Variants in SLIT3 observed in about 807,000 individuals in gnomAD.
SLIT3 encodes the protein slit guidance ligand 3, also known as slit homolog 3 protein.
Under a neutral mutation model 184.0 loss-of-function variants are expected in SLIT3, and 68 were observed. That is an observed-to-expected ratio of 0.37 (90% confidence interval 0.30 to 0.45). The LOEUF is 0.45. SLIT3 is among the 20% of genes least tolerant of loss of function. The pLI, the probability that SLIT3 is intolerant of heterozygous loss-of-function variation, is 1.00. For synonymous variants in SLIT3, 831 were observed against 828.6 expected (o/e 1.00, Z -0.05); for missense variants, 1,707 against 2,026.0 (o/e 0.84, Z 3.02).
chr5:169,193,472 T>C lies in SLIT3; in HGVS notation c.413+7A>G, dbSNP rs750206809. The C allele has an allele frequency of 6.2e-7, 1 of 1,612,942 alleles. No individual in the cohort carries two copies. Among genetic ancestry groups the C allele is most frequent in the Non-Finnish European group, 8.5e-7 (1 of 1,178,900 alleles). On this transcript the variant is annotated splice_region_variant and intron_variant, in intron 4 of 35. Transcript: ENST00000519560. The stretch of plus-strand genomic sequence containing the variant: ...CAAGGTAGAGAACACAAGGCAACTC[T>C]ACTCACAGTCTGGTGAGCTTCGGCG...
intron 1 of SLIT3, among the ~76,000 whole-genome samples, chr5:169,278,804 G>A (rs1173041122): frequency 6.6e-6 from 1 of 152,182 alleles, no homozygotes; most frequent in Non-Finnish European, 1.5e-5. Flanking sequence ...GGTTTGGGGA[G>A]AGAGCAGGGC....
chr5:169,050,410 C>A (rs1325927200), intron 4 of SLIT3, among the ~76,000 whole-genome samples: 1 of 152,158 alleles, frequency 6.6e-6, no homozygotes, highest in Non-Finnish European at 1.5e-5. Context: ...CCCATCCATC[C>A]CATAATTATC....
intron 4 of SLIT3, among the ~76,000 whole-genome samples, chr5:169,099,609 G>A (rs538938869): frequency 3.3e-5 from 5 of 152,326 alleles, no homozygotes; most frequent in African/African-American, 9.6e-5. Flanking sequence ...CAGCCTGTAA[G>A]TAGTCACACA....
chr5:168,726,412 C>G (rs1002701272), intron 20 of SLIT3, among the ~76,000 whole-genome samples: 23 of 1,908 alleles, frequency 0.012, 1 homozygote, highest in Middle Eastern at 0.25. Flanking sequence ...GGCAGGGAGG[C>G]AGAGGGAGGC....
chr5:169,056,821 G>A (rs184494708), intron 4 of SLIT3, among the ~76,000 whole-genome samples: 74 of 152,304 alleles, frequency 4.9e-4, no homozygotes, highest in African/African-American at 1.6e-3. Context: ...GCCCTAGCAG[G>A]GGAGGTGGCC....
chr5:168,755,389 ATTTCTTTCTTTC>A (rs139729506), intron 16 of SLIT3, among the ~76,000 whole-genome samples: 2,915 of 133,722 alleles, frequency 0.022, 134 homozygotes, highest in Middle Eastern at 0.032. Context: ...CAGTGCCGCC[ATTTCTTTCTTTC>A]TTTCTTTCTT....
intron 4 of SLIT3, among the ~76,000 whole-genome samples, chr5:169,151,068 T>C (rs1288380605): frequency 6.6e-6 from 1 of 152,086 alleles, no homozygotes; most frequent in East Asian, 1.9e-4. Context: ...AATTTGGGAC[T>C]TGGGACCCAG....
At chr5:169,030,848 C>T (rs530957052) in intron 4 of SLIT3, among the ~76,000 whole-genome samples, 24 of 152,168 alleles carry the variant, frequency 1.6e-4, no homozygotes, top group Admixed American at 1.4e-3. Context: ...GGAAGTAGAA[C>T]GTGGTATGGT....
At chr5:168,841,278 G>T (rs1025001669) in intron 6 of SLIT3, among the ~76,000 whole-genome samples, 2 of 152,174 alleles carry the variant, frequency 1.3e-5, no homozygotes, top group African/African-American at 4.8e-5. Context: ...GCAGGGTGAG[G>T]GTAACAGTAG....
At chr5:168,751,759 G>T (rs1349221460) in intron 18 of SLIT3, among the ~76,000 whole-genome samples, 2 of 145,264 alleles carry the variant, frequency 1.4e-5, no homozygotes, top group African/African-American at 2.6e-5. Context: ...ACGAAGTCTC[G>T]CTCTCGCTCT....
intron 4 of SLIT3, among the ~76,000 whole-genome samples, chr5:169,168,170 C>G (rs1762699985): frequency 2.6e-5 from 4 of 152,218 alleles, no homozygotes; most frequent in Admixed American, 2.6e-4. Flanking sequence ...GCCCTTCACT[C>G]TAAGCACGGG....
intron 4 of SLIT3, among the ~76,000 whole-genome samples, chr5:169,097,787 C>T (rs1456017910): frequency 6.6e-6 from 1 of 152,156 alleles, no homozygotes; most frequent in Non-Finnish European, 1.5e-5. Flanking sequence ...CAAAAGGTCC[C>T]AGATGCTGCT....
At chr5:168,825,845 A>G (rs1757686620) in intron 6 of SLIT3, among the ~76,000 whole-genome samples, 1 of 152,224 alleles carries the variant, frequency 6.6e-6, no homozygotes, top group African/African-American at 2.4e-5. Flanking sequence ...TCTTCATTGG[A>G]TTAGAAATGC....
At chr5:168,674,064 AAAAC>A (rs1761334873) in intron 32 of SLIT3, among the ~76,000 whole-genome samples, 1 of 152,226 alleles carries the variant, frequency 6.6e-6, no homozygotes, top group South Asian at 2.1e-4. Flanking sequence ...TAGTACATAT[AAAAC>A]AAACTCTCTC....
intron 6 of SLIT3, among the ~76,000 whole-genome samples, chr5:168,840,339 C>T (rs985479961): frequency 3.9e-5 from 6 of 152,106 alleles, no homozygotes; most frequent in African/African-American, 7.2e-5. Flanking sequence ...ATTTTTTATT[C>T]TCCCATAATA....
chr5:169,264,153 C>T (rs180682129), intron 1 of SLIT3, among the ~76,000 whole-genome samples: 8 of 152,134 alleles, frequency 5.3e-5, no homozygotes, highest in Admixed American at 3.9e-4. Context: ...ATTCAAGACT[C>T]TGGAATTTTA....
chr5:168,705,942 A>C (rs1209091353), intron 26 of SLIT3, among the ~76,000 whole-genome samples: 5 of 152,220 alleles, frequency 3.3e-5, no homozygotes, highest in African/African-American at 1.2e-4. Flanking sequence ...AGAGAAGAAA[A>C]TAAATGCATA....
chr5:168,754,766 TA>T (rs1459059097), intron 16 of SLIT3, among the ~76,000 whole-genome samples: 1 of 152,192 alleles, frequency 6.6e-6, no homozygotes, highest in Non-Finnish European at 1.5e-5. Flanking sequence ...TGTATCAATT[TA>T]AAAAAACAGG....
At chr5:169,034,910 CTAGTGTGTGT>C (rs1757172869) in intron 4 of SLIT3, among the ~76,000 whole-genome samples, 2 of 130,508 alleles carry the variant, frequency 1.5e-5, no homozygotes, top group Admixed American at 1.5e-4. Context: ...CCACGCCCAG[CTAGTGTGTGT>C]GTGTGTGTGT....
Sources: allele counts gnomAD v4.1 joint callset (sites outside exome capture counted in the v4.1 genomes callset), GRCh38; gene constraint gnomAD v4.1.1; transcripts MANE v1.5; gene names NCBI Gene and HGNC (gene_info 2026-07-23, HGNC 2026-07-21).